The following CAMTA1 variants were observed in gnomAD, a reference collection of about 807,000 sequenced individuals.
CAMTA1 encodes calmodulin-binding transcription activator 1.
Under a neutral mutation model 170.9 loss-of-function variants are expected in CAMTA1, and 27 were observed. That is an observed-to-expected ratio of 0.16 (90% CI 0.12 to 0.22). The LOEUF is 0.22. Among genes scored for constraint, CAMTA1 ranks in the 10% least tolerant of loss-of-function variants. The pLI, the probability that CAMTA1 is intolerant of heterozygous loss-of-function variation, is 1.00. For missense variants in CAMTA1, 1,619 were observed against 2,217.2 expected (o/e 0.73, Z 5.42); for synonymous variants, 833 against 891.5 (o/e 0.93, Z 1.17).
chr1:7,297,899 A>G (rs1409055953), intron 5 of CAMTA1, among the ~76,000 whole-genome samples: 1 of 152,180 alleles, frequency 6.6e-6, no homozygotes, highest in African/African-American at 2.4e-5. Context: ...AGGAGGGCAA[A>G]TCCAATCCTA....
At chr1:7,726,948 G>A (rs1409058646) in intron 11 of CAMTA1, among the ~76,000 whole-genome samples, 1 of 152,084 alleles carries the variant, frequency 6.6e-6, no homozygotes, top group Non-Finnish European at 1.5e-5. Flanking sequence ...ATTTTCTCCC[G>A]ATGGAGTAGT....
intron 4 of CAMTA1, among the ~76,000 whole-genome samples, chr1:7,153,945 G>A (rs1206170798): frequency 1.3e-5 from 2 of 152,228 alleles, no homozygotes; most frequent in Non-Finnish European, 2.9e-5. Flanking sequence ...CTCCGGCCAC[G>A]ATTCTGCTCC....
rs889401735 is a variant in CAMTA1, at chr1:7,224,654, G to A, written c.303-24837G>A. Among the ~76,000 whole-genome samples, 2 of 152,162 alleles carry A rather than the reference G, an allele frequency of 1.3e-5. No individual in the cohort carries two copies. ...GTCCCAGGTTGGAGGCGTGACACCC[G>A]CGCCTCTCCGCTGGTGTCATTGATT... On this transcript the variant is annotated intron_variant, in intron 4 of 22. Transcript: ENST00000303635. This position sits in a 1 kb window ranked among gnomAD's most constrained non-coding sequence, Gnocchi z 5.2.
At chr1:7,122,447 G>A (rs1644699555) in intron 4 of CAMTA1, among the ~76,000 whole-genome samples, 1 of 152,056 alleles carries the variant, frequency 6.6e-6, no homozygotes, top group Admixed American at 6.5e-5. Flanking sequence ...GCACTTTAGG[G>A]GATATTTGAA....
At chr1:7,372,870 A>G (rs1296264774) in intron 5 of CAMTA1, among the ~76,000 whole-genome samples, 1 of 152,080 alleles carries the variant, frequency 6.6e-6, no homozygotes, top group Non-Finnish European at 1.5e-5. Flanking sequence ...CCATCCTACA[A>G]TGCTTCTCCC....
chr1:7,709,933 A>G (rs373725816), intron 11 of CAMTA1, among the ~76,000 whole-genome samples: 3 of 152,284 alleles, frequency 2.0e-5, no homozygotes, highest in Non-Finnish European at 2.9e-5. Flanking sequence ...GCTGGCTTCT[A>G]TTTCTTTCTG....
chr1:7,356,407 C>T (rs990466583), intron 5 of CAMTA1, among the ~76,000 whole-genome samples: 2 of 152,218 alleles, frequency 1.3e-5, no homozygotes, highest in African/African-American at 4.8e-5. Flanking sequence ...TGTTTTAGCA[C>T]CATCCTGAAA....
chr1:7,495,146 T>C (rs896182364), intron 6 of CAMTA1, among the ~76,000 whole-genome samples: 1 of 152,206 alleles, frequency 6.6e-6, no homozygotes, highest in African/African-American at 2.4e-5. Context: ...GATGCAAACT[T>C]ATAAATAATT....
chr1:7,668,639 G>A (rs1009155453), intron 9 of CAMTA1, among the ~76,000 whole-genome samples: 1 of 152,006 alleles, frequency 6.6e-6, no homozygotes, highest in African/African-American at 2.4e-5. Context: ...AGGCACGCGC[G>A]TCACCACCAG....
At position 7,227,883 on chromosome 1, in the gene CAMTA1, C is replaced by T. The variant is rs548231875; in HGVS notation, c.303-21608C>T. ...CCCAGGGCCCCTGCACATGGGGACTCGGGGTGGCTGCTGACTGCAAGAAAG... is the reference window on the plus strand; with the variant it reads ...CCCAGGGCCCCTGCACATGGGGACTTGGGGTGGCTGCTGACTGCAAGAAAG... On this transcript the variant is annotated intron_variant, in intron 4 of 22. Transcript: ENST00000303635. Among the ~76,000 whole-genome samples the T allele has an allele frequency of 2.2e-4, 33 of 152,276 alleles. No individual in the cohort carries two copies. In the South Asian group the frequency reaches 5.0e-3, roughly 23 times the overall value.
rs376675646 is a variant in CAMTA1, at chr1:7,465,836, G to A, written c.439-1994G>A. 4.6e-5 allele frequency among the ~76,000 whole-genome samples: 7 copies of A among 152,196 alleles called. No homozygotes were observed. In the South Asian group the frequency reaches 1.0e-3, roughly 23 times the overall value. Reference sequence around the variant, plus strand: ...AGTCCAGGCAGACAGGCAGGCAATCGAGGGAGAAGTGATGGTGAAAACCAA... The same window carrying A: ...AGTCCAGGCAGACAGGCAGGCAATCAAGGGAGAAGTGATGGTGAAAACCAA... On this transcript the variant is annotated intron_variant, in intron 5 of 22. Transcript: ENST00000303635.
Position 7,440,640 on chromosome 1 carries a change from G to C in CAMTA1, c.439-27190G>C, listed in dbSNP as rs78293724. The stretch of plus-strand genomic sequence containing the variant: ...TGTTTTTCCTTCAAGAGAGCAGCAG[G>C]TGAAGGTGTGGTCCCCGGATCCCAG... On this transcript the variant is annotated intron_variant, in intron 5 of 22. Transcript: ENST00000303635. Among the ~76,000 whole-genome samples, 756 of 152,252 alleles carry C rather than the reference G, an allele frequency of 5.0e-3. 15 individuals carry two copies. Among genetic ancestry groups the C allele is most frequent in the East Asian group, 0.043 (222 of 5,174 alleles).
chr1:7,103,449 A>T (rs555719541), intron 4 of CAMTA1, among the ~76,000 whole-genome samples: 1 of 147,438 alleles, frequency 6.8e-6, no homozygotes, highest in African/African-American at 2.5e-5. Flanking sequence ...ACACATGCAC[A>T]CACAACTACA....
chr1:7,241,690 T>G (rs550671893), intron 4 of CAMTA1, among the ~76,000 whole-genome samples: 2 of 152,282 alleles, frequency 1.3e-5, no homozygotes, highest in East Asian at 3.9e-4. Context: ...TCAGTGGAGT[T>G]GGGGGTGGAG....
intron 6 of CAMTA1, among the ~76,000 whole-genome samples, chr1:7,504,946 C>G (rs1235559898): frequency 8.0e-5 from 12 of 150,578 alleles, no homozygotes; most frequent in Non-Finnish European, 2.9e-5. Flanking sequence ...ATGGCACAAG[C>G]ACACAGATGC....
chr1:6,871,943 GATACCCCTTT>G, intron 3 of CAMTA1: 1 of 1,330,956 alleles, frequency 7.5e-7, no homozygotes, highest in Non-Finnish European at 9.6e-7. Context: ...CTCAAATAGA[GATACCCCTTT>G]GAGTGATAAA....
chr1:7,690,111 C>G (rs2096294269), intron 11 of CAMTA1, among the ~76,000 whole-genome samples: 2 of 152,224 alleles, frequency 1.3e-5, no homozygotes, highest in South Asian at 2.1e-4. Context: ...TGCGGTGAGT[C>G]AAGATTGCGC....
chr1:7,513,799 G>A (rs143301876), intron 6 of CAMTA1, among the ~76,000 whole-genome samples: 359 of 152,302 alleles, frequency 2.4e-3, no homozygotes, highest in Non-Finnish European at 2.8e-3. Context: ...GCGCATGCCT[G>A]TAATTCCAGC....
At chr1:6,986,709 G>C (rs922313731) in intron 3 of CAMTA1, among the ~76,000 whole-genome samples, 2 of 152,022 alleles carry the variant, frequency 1.3e-5, no homozygotes, top group African/African-American at 4.8e-5. Context: ...GAGTACTGGG[G>C]CTCCAAGATG....
Sources: gnomAD v4.1 joint callset for allele counts (sites outside exome capture counted in the v4.1 genomes callset) on GRCh38, gnomAD v4.1.1 for gene constraint, Gnocchi (gnomAD v3.1) non-coding constraint, MANE v1.5 for transcripts, NCBI Gene and HGNC (gene_info 2026-07-23, HGNC 2026-07-21) for gene names.